The following SGK1 variants were observed in gnomAD, a reference collection of about 807,000 sequenced individuals.
SGK1 encodes the protein serine/threonine-protein kinase Sgk1.
A neutral mutation model predicts 64.2 loss-of-function variants in SGK1; 26 were observed. The observed-to-expected ratio is 0.40, with a 90% CI of 0.30 to 0.56. The LOEUF is 0.56. SGK1 is among the 20% of genes least tolerant of loss of function. SGK1 has a pLI of 0.38. For synonymous variants in SGK1, 265 were observed against 239.7 expected (o/e 1.11, Z -0.98); for missense variants, 519 against 645.6 (o/e 0.80, Z 2.12).
intron 3 of SGK1, among the ~76,000 whole-genome samples, chr6:134,192,750 G>T (rs1775535761): frequency 6.6e-6 from 1 of 151,946 alleles, no homozygotes; most frequent in Non-Finnish European, 1.5e-5. Flanking sequence ...TTGTACTGTT[G>T]TATTTTCACC....
At chr6:134,307,677 G>A (rs143523995) in intron 1 of SGK1, among the ~76,000 whole-genome samples, 29 of 152,286 alleles carry the variant, frequency 1.9e-4, no homozygotes, top group African/African-American at 5.5e-4. Context: ...AGGTATGTAC[G>A]TGTTCAGTAC....
At chr6:134,234,216 A>G (rs1318626127) in intron 2 of SGK1, among the ~76,000 whole-genome samples, 2 of 152,358 alleles carry the variant, frequency 1.3e-5, no homozygotes, top group East Asian at 1.9e-4. Flanking sequence ...AGCCTGGCCA[A>G]CATGGTGAAA....
chr6:134,282,073 T>C (rs1251845295), intron 1 of SGK1, among the ~76,000 whole-genome samples: 3 of 152,142 alleles, frequency 2.0e-5, no homozygotes, highest in African/African-American at 7.2e-5. Flanking sequence ...GTTATATCAG[T>C]AGAAGCATTG....
At chr6:134,309,378 C>T (rs935481803) in intron 1 of SGK1, among the ~76,000 whole-genome samples, 3 of 152,182 alleles carry the variant, frequency 2.0e-5, no homozygotes, top group African/African-American at 7.2e-5. Context: ...CCTGCACCTC[C>T]TTCACCTCCT....
chr6:134,289,560 A>G (rs1446329199), intron 1 of SGK1, among the ~76,000 whole-genome samples: 2 of 152,176 alleles, frequency 1.3e-5, no homozygotes, highest in Admixed American at 6.5e-5. Context: ...ATCATTCTAA[A>G]TTGTACTTAA....
At chr6:134,297,359 C>T (rs4895399) in intron 1 of SGK1, 109,605 of 939,800 alleles carry the variant, frequency 0.12, 7,760 homozygotes, top group East Asian at 0.27. Flanking sequence ...CGGCCTCCAG[C>T]TCAGACAGCT....
chr6:134,291,554 T>C (rs1303127119), intron 1 of SGK1, among the ~76,000 whole-genome samples: 1 of 152,204 alleles, frequency 6.6e-6, no homozygotes, highest in Non-Finnish European at 1.5e-5. Flanking sequence ...GTTAATCAGT[T>C]GTTTTTCTAT....
At chr6:134,308,973 C>T (rs1456695536) in intron 1 of SGK1, among the ~76,000 whole-genome samples, 1 of 152,176 alleles carries the variant, frequency 6.6e-6, no homozygotes, top group Admixed American at 6.5e-5. Flanking sequence ...GGAAGAACCA[C>T]ATGACCAGTC....
chr6:134,229,416 ATTAC>A (rs1776242365), intron 2 of SGK1, among the ~76,000 whole-genome samples: 1 of 152,364 alleles, frequency 6.6e-6, no homozygotes, highest in South Asian at 2.1e-4. Flanking sequence ...TAAACAGTTT[ATTAC>A]TTAAACAGCT....
chr6:134,220,214 A>G (rs1299735247), intron 2 of SGK1, among the ~76,000 whole-genome samples: 1 of 152,100 alleles, frequency 6.6e-6, no homozygotes, highest in Non-Finnish European at 1.5e-5. Context: ...TGACCACATC[A>G]TTGATTTGTA....
intron 1 of SGK1, among the ~76,000 whole-genome samples, chr6:134,305,331 G>C (rs900295906): frequency 1.4e-4 from 18 of 128,136 alleles, no homozygotes; most frequent in African/African-American, 5.1e-4. Flanking sequence ...CTGCACTCCA[G>C]CCAGCCTGGG....
At chr6:134,185,220 GAC>G (rs1183394492) in intron 3 of SGK1, among the ~76,000 whole-genome samples, 1 of 152,176 alleles carries the variant, frequency 6.6e-6, no homozygotes, top group Non-Finnish European at 1.5e-5. Flanking sequence ...GCCAGGGGAT[GAC>G]ACAGTCACCT....
chr6:134,169,413 T>C lies in SGK1; in HGVS notation c.*855A>G, dbSNP rs75591900. The C allele has an allele frequency of 5.5e-3, 834 of 152,642 alleles. 8 individuals are homozygous for C. The highest frequency in any genetic ancestry group is 0.019 in the African/African-American group (805 of 41,528). 9.5% of individuals were successfully genotyped at this position (152,642 alleles called of 1,614,324 possible). A position where few individuals can be genotyped will look rare whatever the true frequency, so the allele number is the denominator to read the frequency against. ...ACAAATAAGCCTGTAAGTTTAAATA[T>C]ACTAGTGTTATAACCCAATGTACAG... On this transcript the variant is annotated 3_prime_UTR_variant, in exon 14 of 14. Coordinates refer to ENST00000367858, the MANE Select transcript of SGK1 (RefSeq NM_001143676.3).
chr6:134,184,961 A>C (rs953417430), intron 3 of SGK1, among the ~76,000 whole-genome samples: 1 of 152,200 alleles, frequency 6.6e-6, no homozygotes, highest in Non-Finnish European at 1.5e-5. Flanking sequence ...CTGGGATTAT[A>C]GGCATAAGCC....
At chr6:134,263,562 A>C (rs1384671159) in intron 1 of SGK1, among the ~76,000 whole-genome samples, 2 of 152,190 alleles carry the variant, frequency 1.3e-5, no homozygotes, top group African/African-American at 2.4e-5. Context: ...TGATTATAAA[A>C]GAAATTGCTT....
At chr6:134,317,245 TA>T in intron 1 of SGK1, 146 bp downstream of exon 1, 1 of 683,270 alleles carries the variant, frequency 1.5e-6, no homozygotes, top group Non-Finnish European at 2.7e-6. Flanking sequence ...TCAAGTCAGG[TA>T]TAGTTCTCAG....
At chr6:134,250,315 C>G (rs1328737221) in intron 2 of SGK1, among the ~76,000 whole-genome samples, 2 of 152,132 alleles carry the variant, frequency 1.3e-5, no homozygotes, top group Non-Finnish European at 2.9e-5. Flanking sequence ...ATAAGAAAAG[C>G]GTGGTTTTCT....
chr6:134,226,365 T>C (rs550510879), intron 2 of SGK1, among the ~76,000 whole-genome samples: 5 of 151,826 alleles, frequency 3.3e-5, no homozygotes, highest in Middle Eastern at 3.4e-3. Flanking sequence ...TGTTTTTTTT[T>C]CTTTTACTTT....
chr6:134,296,835 G>C (rs570378656), intron 1 of SGK1, among the ~76,000 whole-genome samples: 2 of 151,776 alleles, frequency 1.3e-5, no homozygotes, highest in South Asian at 2.1e-4. Context: ...CATGGGCAAG[G>C]GGGGGTCCCC....
Sources: allele counts gnomAD v4.1 joint callset (sites outside exome capture counted in the v4.1 genomes callset), GRCh38; gene constraint gnomAD v4.1.1; transcripts MANE v1.5; gene names NCBI Gene and HGNC (gene_info 2026-07-23, HGNC 2026-07-21).